DTWD2: variants seen among roughly 807,000 people sequenced by gnomAD.
DTWD2 encodes tRNA-uridine aminocarboxypropyltransferase 2.
In DTWD2, 39 loss-of-function variants were observed where a neutral mutation model predicts 31.8. That is an observed-to-expected ratio of 1.22 (90% CI 0.95 to 1.60). The LOEUF is 1.60. Among genes scored for constraint, DTWD2 ranks in the 40% most tolerant of loss-of-function variants. DTWD2 has a pLI of 0.00. For synonymous variants in DTWD2, 180 were observed against 142.8 expected (o/e 1.26, Z -1.86); for missense variants, 515 against 381.5 (o/e 1.35, Z -2.92).
At chr5:118,855,217 T>G (rs1440588194) in intron 4 of DTWD2, among the ~76,000 whole-genome samples, 1 of 144,694 alleles carries the variant, frequency 6.9e-6, no homozygotes, top group Non-Finnish European at 1.5e-5. Context: ...TTAGTGTAAA[T>G]ATGTAATTAC....
At chr5:118,863,080 G>C (rs1376577179) in intron 4 of DTWD2, among the ~76,000 whole-genome samples, 9 of 152,070 alleles carry the variant, frequency 5.9e-5, no homozygotes, top group Non-Finnish European at 1.0e-4. Flanking sequence ...ATTTTTTCAA[G>C]CCACGTTTAG....
chr5:118,931,938 C>T (rs12109252), intron 3 of DTWD2, among the ~76,000 whole-genome samples: 15,365 of 152,124 alleles, frequency 0.1, 985 homozygotes, highest in African/African-American at 0.18. Flanking sequence ...TGGAAAACTC[C>T]GCAGTATTGG....
rs748329607 is a variant in DTWD2 at position 118,928,739 on chromosome 5, T to G, written c.405-10A>C. 7.9e-6 allele frequency: 12 copies of G among 1,518,152 alleles called. No homozygotes were observed. The highest frequency in any genetic ancestry group is 1.4e-5 in the African/African-American group (1 of 71,160). 94.0% of individuals were successfully genotyped at this position (1,518,152 alleles called of 1,614,324 possible). A position where few individuals can be genotyped will look rare whatever the true frequency, so the allele number is the denominator to read the frequency against. The stretch of plus-strand genomic sequence containing the variant: ...TGAAAGTTCAGGATCTCTGAAAAAG[T>G]TTTTTAAAAATATATCTTTATTAGC... On this transcript the variant is annotated splice_polypyrimidine_tract_variant and intron_variant, in intron 3 of 5. Transcript: ENST00000510708.
intron 4 of DTWD2, among the ~76,000 whole-genome samples, chr5:118,863,414 A>G (rs906701307): frequency 2.0e-5 from 3 of 152,242 alleles, no homozygotes; most frequent in African/African-American, 7.2e-5. Context: ...AAACCATAGA[A>G]GAAAACATCT....
At chr5:118,916,597 G>C (rs538418251) in intron 4 of DTWD2, among the ~76,000 whole-genome samples, 1 of 151,556 alleles carries the variant, frequency 6.6e-6, no homozygotes, top group African/African-American at 2.4e-5. Flanking sequence ...CCCGGGATGC[G>C]GAGGTTGCAG....
intron 1 of DTWD2, among the ~76,000 whole-genome samples, chr5:118,969,575 A>AC (rs1754935841): frequency 6.6e-6 from 1 of 152,190 alleles, no homozygotes; most frequent in African/African-American, 2.4e-5. Flanking sequence ...CCCAACAACC[A>AC]CAGCAGCCCT....
At chr5:118,960,332 A>G (rs557327698) in intron 1 of DTWD2, among the ~76,000 whole-genome samples, 12 of 152,324 alleles carry the variant, frequency 7.9e-5, no homozygotes, top group Non-Finnish European at 1.6e-4. Context: ...AAAATGCTCA[A>G]CATCACTAAT....
At chr5:118,943,295 T>C (rs1337087040) in intron 2 of DTWD2, among the ~76,000 whole-genome samples, 1 of 152,198 alleles carries the variant, frequency 6.6e-6, no homozygotes, top group African/African-American at 2.4e-5. Flanking sequence ...CTCACGCCTG[T>C]AATCCCAGCA....
chr5:118,865,811 C>T (rs1752368520), intron 4 of DTWD2, among the ~76,000 whole-genome samples: 1 of 152,036 alleles, frequency 6.6e-6, no homozygotes, highest in Non-Finnish European at 1.5e-5. Flanking sequence ...AAGAATATAA[C>T]CTATCTCCTT....
At chr5:118,904,504 C>A (rs1160234215) in intron 4 of DTWD2, among the ~76,000 whole-genome samples, 1 of 152,012 alleles carries the variant, frequency 6.6e-6, no homozygotes, top group Non-Finnish European at 1.5e-5. Flanking sequence ...AGGAATAAAA[C>A]ATTTTTTGTC....
intron 4 of DTWD2, among the ~76,000 whole-genome samples, chr5:118,870,536 A>T (rs1240516828): frequency 6.6e-6 from 1 of 152,236 alleles, no homozygotes; most frequent in Non-Finnish European, 1.5e-5. Context: ...GCAGTCTATT[A>T]GGTATGCAAT....
In DTWD2 at chr5:118,884,630, C is replaced by G. The variant is rs1036593311; in HGVS notation, c.598-36412G>C. 7.2e-5 allele frequency among the ~76,000 whole-genome samples: 11 copies of G among 152,064 alleles called. No homozygotes were observed. The East Asian group carries it at 1.9e-3, about 27-fold the overall frequency. On this transcript the variant is annotated intron_variant, in intron 4 of 5. Coordinates refer to ENST00000510708, the MANE Select transcript of DTWD2 (RefSeq NM_173666.4). ...TTTTAATCATATGCATAGCTTTTTC[C>G]TTTCACAAAAATTATTTCTTCAAAT...
In DTWD2 at chr5:118,988,489, C is replaced by A. The variant is rs769369908; in HGVS notation, c.23G>T (p.Arg8Leu). ...CCGCGCAACGGGCTCCTGGAGTGTT[C>A]GTGCCTCTTTCTGCGACTCCATGGC... MESQKEARTLQEPVARPS... is the reference protein window; with the variant it reads MESQKEALTLQEPVARPS... Residue 8 changes from arginine to leucine, a missense_variant, in exon 1 of 6, where the codon CGA becomes CTA. Transcript: ENST00000510708. 5.0e-6 allele frequency: 8 copies of A among 1,589,528 alleles called. No homozygotes were observed. Among genetic ancestry groups the A allele is most frequent in the Non-Finnish European group, 6.8e-6 (8 of 1,169,814 alleles).
At position 118,939,206 on chromosome 5, in the gene DTWD2, T is replaced by G. The variant is rs551636114; in HGVS notation, c.394A>C (p.Ser132Arg). 2.7e-5 allele frequency: 44 copies of G among 1,604,230 alleles called. No homozygotes were observed. In the South Asian group the frequency reaches 4.5e-4, roughly 16 times the overall value. The change falls in exon 3 of 6, where the codon AGT becomes CGT. Residue 132 changes from serine to arginine, a missense_variant. Transcript: ENST00000510708. Reference sequence around the variant, plus strand: ...TAACAGTTAATTTACCTTTCTTCACTGAAGCGACGACCGATCTTCACTTTA... The same window carrying G: ...TAACAGTTAATTTACCTTTCTTCACGGAAGCGACGACCGATCTTCACTTTA... ...KCKVKIGRRFSEERDPELSTV... is the reference protein window; with the variant it reads ...KCKVKIGRRFREERDPELSTV...
At chr5:118,867,278 A>T (rs1752400003) in intron 4 of DTWD2, among the ~76,000 whole-genome samples, 1 of 152,152 alleles carries the variant, frequency 6.6e-6, no homozygotes, top group Admixed American at 6.5e-5. Flanking sequence ...TTACCTCAAA[A>T]TAACTGATCA....
At chr5:118,929,411 T>A (rs1326233572) in intron 3 of DTWD2, among the ~76,000 whole-genome samples, 2 of 152,156 alleles carry the variant, frequency 1.3e-5, no homozygotes, top group African/African-American at 2.4e-5. Context: ...TCAAACTGTG[T>A]TCAAATAAGG....
At chr5:118,977,460 CCTT>C (rs1755190997) in intron 1 of DTWD2, among the ~76,000 whole-genome samples, 1 of 152,170 alleles carries the variant, frequency 6.6e-6, no homozygotes, top group Admixed American at 6.5e-5. Flanking sequence ...CCCAAAATCT[CCTT>C]AAGCTGATCA....
intron 1 of DTWD2, among the ~76,000 whole-genome samples, chr5:118,968,276 G>A (rs1357145733): frequency 6.6e-6 from 1 of 152,018 alleles, no homozygotes; most frequent in African/African-American, 2.4e-5. Flanking sequence ...ATGCAATGTG[G>A]GATGCTGAGT....
chr5:118,878,064 A>T (rs1752660820), intron 4 of DTWD2, among the ~76,000 whole-genome samples: 1 of 151,852 alleles, frequency 6.6e-6, no homozygotes, highest in Admixed American at 6.6e-5. Flanking sequence ...AAATGGAAAA[A>T]CATTAAAATG....
Sources: allele counts gnomAD v4.1 joint callset (sites outside exome capture counted in the v4.1 genomes callset), GRCh38; gene constraint gnomAD v4.1.1; transcripts MANE v1.5; gene names NCBI Gene and HGNC (gene_info 2026-07-23, HGNC 2026-07-21).